MATN2: variants seen among roughly 807,000 people sequenced by gnomAD.
MATN2 encodes matrilin 2, also known as matrilin-2.
In MATN2, 69 loss-of-function variants were observed where a neutral mutation model predicts 103.2. The observed-to-expected ratio is 0.67, with a 90% confidence interval of 0.55 to 0.82. The LOEUF is 0.82. Among genes scored for constraint, MATN2 ranks in the 40% least tolerant of loss-of-function variants. The pLI, the probability that MATN2 is intolerant of heterozygous loss-of-function variation, is 0.00. For missense variants in MATN2, 1,023 were observed against 1,211.5 expected (o/e 0.84, Z 2.31); for synonymous variants, 429 against 450.2 (o/e 0.95, Z 0.60).
intron 1 of MATN2, among the ~76,000 whole-genome samples, chr8:97,883,242 G>A (rs538699917): frequency 3.3e-5 from 5 of 149,448 alleles, no homozygotes; most frequent in Admixed American, 6.7e-5. Context: ...CCAAGATTGC[G>A]CGATTGCACT....
intron 1 of MATN2, among the ~76,000 whole-genome samples, chr8:97,877,896 G>A (rs746368000): frequency 6.6e-6 from 1 of 152,102 alleles, no homozygotes; most frequent in Non-Finnish European, 1.5e-5. Flanking sequence ...GTGGGGTAAG[G>A]CCCCATGCCC....
intron 3 of MATN2, among the ~76,000 whole-genome samples, chr8:97,941,488 TA>T (rs1413887952): frequency 6.6e-6 from 1 of 152,202 alleles, no homozygotes; most frequent in East Asian, 1.9e-4. Context: ...TGGGTATTAT[TA>T]AGTTGAATTG....
At chr8:97,913,659 G>A (rs539973526) in intron 2 of MATN2, among the ~76,000 whole-genome samples, 1 of 145,808 alleles carries the variant, frequency 6.9e-6, no homozygotes, top group Non-Finnish European at 1.5e-5. Context: ...GTGTCGCCCA[G>A]GCTGGATTGC....
chr8:97,916,258 C>T (rs948901835), intron 2 of MATN2, among the ~76,000 whole-genome samples: 3 of 151,900 alleles, frequency 2.0e-5, no homozygotes, highest in African/African-American at 7.3e-5. Flanking sequence ...TTAGTAGAGA[C>T]GGGGTTTCGC....
At chr8:97,929,559 G>A (rs1230411738) in intron 2 of MATN2, among the ~76,000 whole-genome samples, 1 of 152,166 alleles carries the variant, frequency 6.6e-6, no homozygotes, top group Non-Finnish European at 1.5e-5. Context: ...TACTAGAAAC[G>A]CAAAAGGGAT....
chr8:97,936,725 T>C (rs773612302), intron 3 of MATN2, among the ~76,000 whole-genome samples: 2 of 152,134 alleles, frequency 1.3e-5, no homozygotes, highest in African/African-American at 4.8e-5. Context: ...ATGAGGCTCA[T>C]AGGACTGTTT....
intron 2 of MATN2, among the ~76,000 whole-genome samples, chr8:97,928,926 C>T (rs1456209608): frequency 6.6e-6 from 1 of 152,192 alleles, no homozygotes; most frequent in Non-Finnish European, 1.5e-5. Context: ...CTTCTTGATC[C>T]TTTCTCAAAA....
At chr8:98,024,662 T>C (rs1388655517) in intron 13 of MATN2, among the ~76,000 whole-genome samples, 1 of 152,246 alleles carries the variant, frequency 6.6e-6, no homozygotes, top group East Asian at 1.9e-4. Context: ...GTGAGGATGC[T>C]GTAAAGAGGA....
intron 6 of MATN2, among the ~76,000 whole-genome samples, chr8:97,990,541 G>A (rs1345352721): frequency 1.3e-5 from 2 of 152,212 alleles, no homozygotes; most frequent in Admixed American, 6.5e-5. Flanking sequence ...TGCTTTATTT[G>A]TGATAGCCCC....
At chr8:97,930,367 G>C (rs1810136874) in intron 2 of MATN2, among the ~76,000 whole-genome samples, 1 of 152,180 alleles carries the variant, frequency 6.6e-6, no homozygotes. Context: ...TTTTGACCCT[G>C]ATCAGGTGTT....
intron 11 of MATN2, among the ~76,000 whole-genome samples, chr8:98,017,676 C>T (rs2290469): frequency 0.51 from 77,210 of 152,042 alleles, 20,721 homozygotes; most frequent in African/African-American, 0.61. Context: ...TGAGGTTTAA[C>T]CTCCTAAGGA....
At chr8:97,971,255 A>T (rs867802650) in intron 5 of MATN2, among the ~76,000 whole-genome samples, 3 of 152,236 alleles carry the variant, frequency 2.0e-5, no homozygotes, top group African/African-American at 7.2e-5. Flanking sequence ...TTCTATGTTT[A>T]TTCAAAATAA....
At chr8:97,913,773 C>T (rs1405466079) in intron 2 of MATN2, among the ~76,000 whole-genome samples, 1 of 151,980 alleles carries the variant, frequency 6.6e-6, no homozygotes, top group African/African-American at 2.4e-5. Flanking sequence ...TGCCACCACG[C>T]CCAGCTAATG....
rs187021183 is a variant in MATN2, at chr8:97,990,561, A to T, written c.1082-3919A>T. ...TATTTGTGATAGCCCCAAACTGGGA[A>T]CAGGTAACCAGCCCTTCAGCAAGTG... On this transcript the variant is annotated intron_variant, in intron 6 of 18. Coordinates refer to ENST00000254898, the MANE Select transcript of MATN2 (RefSeq NM_002380.5). 1.6e-3 allele frequency among the ~76,000 whole-genome samples: 247 copies of T among 152,358 alleles called. 5 individuals are homozygous for T. The highest frequency in any genetic ancestry group is 3.2e-4 in the Non-Finnish European group (22 of 68,040).
intron 10 of MATN2, among the ~76,000 whole-genome samples, chr8:98,008,058 G>A (rs1813033553): frequency 6.6e-6 from 1 of 152,158 alleles, no homozygotes; most frequent in African/African-American, 2.4e-5. Flanking sequence ...AGTGAGTGGT[G>A]GGTTCAAACT....
At chr8:97,979,326 A>C (rs1031495286) in intron 6 of MATN2, among the ~76,000 whole-genome samples, 1 of 152,246 alleles carries the variant, frequency 6.6e-6, no homozygotes, top group Non-Finnish European at 1.5e-5. Flanking sequence ...CATCAGCACT[A>C]ACAGGGCTTG....
Position 97,969,825 on chromosome 8 carries a change from G to T in MATN2, c.958+8295G>T, listed in dbSNP as rs116427966. ...ACAAAGGTGACCAGGAGGCCATTGA[G>T]AATGGCAAAGGGGGCATGGGTAAAG... On this transcript the variant is annotated intron_variant, in intron 5 of 18. Transcript: ENST00000254898. Among the ~76,000 whole-genome samples, 1,379 of 152,322 alleles carry T rather than the reference G, an allele frequency of 9.1e-3. 25 individuals are homozygous for T. Among genetic ancestry groups the T allele is most frequent in the African/African-American group, 0.029 (1,199 of 41,574 alleles).
At chr8:97,918,385 G>T (rs1447772089) in intron 2 of MATN2, among the ~76,000 whole-genome samples, 3 of 152,202 alleles carry the variant, frequency 2.0e-5, no homozygotes, top group African/African-American at 4.8e-5. Flanking sequence ...CCTGAGCCAG[G>T]CATCGATGAA....
At chr8:97,881,569 T>A (rs961268261) in intron 1 of MATN2, among the ~76,000 whole-genome samples, 11 of 152,220 alleles carry the variant, frequency 7.2e-5, no homozygotes, top group South Asian at 2.1e-4. Flanking sequence ...AAAATATTCT[T>A]TCCATGTTCC....
Sources: gnomAD v4.1 joint callset for allele counts (sites outside exome capture counted in the v4.1 genomes callset) on GRCh38, gnomAD v4.1.1 for gene constraint, MANE v1.5 for transcripts, NCBI Gene and HGNC (gene_info 2026-07-23, HGNC 2026-07-21) for gene names.